Variants in GABRB3 observed in about 807,000 individuals in gnomAD.
GABRB3 encodes the protein gamma-aminobutyric acid receptor subunit beta-3.
In GABRB3, 14 loss-of-function variants were observed where a neutral mutation model predicts 52.1. The ratio of observed to expected loss-of-function variants is 0.27; its 90% CI spans 0.18 to 0.42. The LOEUF (loss-of-function observed/expected upper bound fraction) is 0.42, where lower values mean the gene tolerates loss of function less well. Among genes scored for constraint, GABRB3 ranks in the 10% least tolerant of loss-of-function variants. The pLI, the probability that GABRB3 is intolerant of heterozygous loss-of-function variation, is 1.00. For synonymous variants in GABRB3, 260 were observed against 232.3 expected, an observed-to-expected ratio of 1.12 and a Z score of -1.08; for missense variants, 307 against 609.1, an observed-to-expected ratio of 0.50 and a Z score of 5.22.
At chr15:26,747,015 CAAAT>C (rs144896168) in intron 3 of GABRB3, among the ~76,000 whole-genome samples, 37,303 of 150,760 alleles carry the variant, frequency 0.25, 4,812 homozygotes, top group Non-Finnish European at 0.28. Context: ...AACAAACAAA[CAAAT>C]AATCAGTTGG....
chr15:26,631,447 A>G (rs934327360), intron 3 of GABRB3, among the ~76,000 whole-genome samples: 8 of 152,370 alleles, frequency 5.3e-5, no homozygotes, highest in South Asian at 2.1e-4. Context: ...AAAATTTACC[A>G]TCCCTGAGAA....
At chr15:26,628,112 G>T (rs921088562) in intron 3 of GABRB3, among the ~76,000 whole-genome samples, 1 of 152,182 alleles carries the variant, frequency 6.6e-6, no homozygotes, top group Non-Finnish European at 1.5e-5. Flanking sequence ...TTCAATTAAG[G>T]TATGTATATT....
At chr15:26,585,471 G>C (rs1452829648) in intron 4 of GABRB3, among the ~76,000 whole-genome samples, 1 of 151,468 alleles carries the variant, frequency 6.6e-6, no homozygotes, top group Non-Finnish European at 1.5e-5. Flanking sequence ...ATGGACTTGT[G>C]TCATTTACCC....
At chr15:26,594,487 AT>A (rs1321624344) in intron 4 of GABRB3, among the ~76,000 whole-genome samples, 1 of 152,108 alleles carries the variant, frequency 6.6e-6, no homozygotes, top group African/African-American at 2.4e-5. Context: ...AATGTTTTAA[AT>A]TTATTTATCT....
intron 3 of GABRB3, among the ~76,000 whole-genome samples, chr15:26,697,859 G>A (rs758381959): frequency 6.6e-5 from 10 of 152,098 alleles, no homozygotes; most frequent in Admixed American, 1.3e-4. Flanking sequence ...GTTTCTCCAC[G>A]TTCACTGTTT....
intron 3 of GABRB3, among the ~76,000 whole-genome samples, chr15:26,673,100 C>G (rs1003398885): frequency 6.6e-6 from 1 of 152,138 alleles, no homozygotes; most frequent in African/African-American, 2.4e-5. Flanking sequence ...CTTTCTGGGA[C>G]TAAATTCCAA....
At chr15:26,679,196 T>G (rs971705217) in intron 3 of GABRB3, among the ~76,000 whole-genome samples, 2 of 152,132 alleles carry the variant, frequency 1.3e-5, no homozygotes, top group Admixed American at 1.3e-4. Flanking sequence ...ATGAAAACAT[T>G]AACTCTTTTG....
chr15:26,765,609 C>A (rs1369284470), intron 3 of GABRB3, among the ~76,000 whole-genome samples: 1 of 151,996 alleles, frequency 6.6e-6, no homozygotes, highest in Non-Finnish European at 1.5e-5. Context: ...TATTCCTTTC[C>A]ACAAATATTC....
At chr15:26,757,655 A>G (rs1447257359) in intron 3 of GABRB3, among the ~76,000 whole-genome samples, 3 of 152,240 alleles carry the variant, frequency 2.0e-5, no homozygotes, top group African/African-American at 4.8e-5. Context: ...ACACGGAGCA[A>G]TTGAACTAAA....
At chr15:26,739,109 G>A (rs1381210034) in intron 3 of GABRB3, among the ~76,000 whole-genome samples, 2 of 152,100 alleles carry the variant, frequency 1.3e-5, no homozygotes, top group Admixed American at 6.5e-5. Flanking sequence ...TCACTGCCTG[G>A]TGCTGATGCT....
intron 3 of GABRB3, among the ~76,000 whole-genome samples, chr15:26,694,724 T>C (rs1888683768): frequency 6.6e-6 from 1 of 152,188 alleles, no homozygotes; most frequent in African/African-American, 2.4e-5. Context: ...AGAGTCAGAT[T>C]TAGATACAGC....
intron 3 of GABRB3, among the ~76,000 whole-genome samples, chr15:26,708,479 C>A (rs1447234664): frequency 6.6e-6 from 1 of 152,164 alleles, no homozygotes; most frequent in Non-Finnish European, 1.5e-5. Context: ...GGAATGAGGG[C>A]ATAGGCAAAA....
chr15:26,682,875 C>T (rs1277762355), intron 3 of GABRB3, among the ~76,000 whole-genome samples: 3 of 152,224 alleles, frequency 2.0e-5, no homozygotes, highest in African/African-American at 7.2e-5. Context: ...ACTCGGCAAG[C>T]TGGGGACACA....
chr15:26,696,845 A>G (rs1053241224), intron 3 of GABRB3, among the ~76,000 whole-genome samples: 5 of 152,214 alleles, frequency 3.3e-5, no homozygotes, highest in African/African-American at 9.7e-5. Context: ...AAAAACTCGC[A>G]TATGAAGCAT....
At chr15:26,700,411 T>G (rs34678308) in intron 3 of GABRB3, among the ~76,000 whole-genome samples, 1 of 152,192 alleles carries the variant, frequency 6.6e-6, no homozygotes, top group East Asian at 1.9e-4. Context: ...AGAATTAATA[T>G]CAATTCTATG....
intron 3 of GABRB3, among the ~76,000 whole-genome samples, chr15:26,667,589 C>T (rs1188395074): frequency 1.3e-5 from 2 of 152,140 alleles, no homozygotes; most frequent in African/African-American, 4.8e-5. Flanking sequence ...ATAATATGTT[C>T]TCTTTGGTAT....
intron 3 of GABRB3, among the ~76,000 whole-genome samples, chr15:26,667,246 C>T (rs908319453): frequency 3.3e-5 from 5 of 152,144 alleles, no homozygotes; most frequent in Non-Finnish European, 7.4e-5. Flanking sequence ...TGCCAGAGCC[C>T]GAGGAGTGAA....
chr15:26,718,513 T>C (rs556244831), intron 3 of GABRB3, among the ~76,000 whole-genome samples: 10 of 152,222 alleles, frequency 6.6e-5, no homozygotes, highest in Non-Finnish European at 1.5e-4. Context: ...CCAGCCTTAA[T>C]AGCTTATTTC....
At chr15:26,651,516 T>G (rs1035936690) in intron 3 of GABRB3, among the ~76,000 whole-genome samples, 1 of 152,244 alleles carries the variant, frequency 6.6e-6, no homozygotes, top group African/African-American at 2.4e-5. Flanking sequence ...ATTAGTGGTT[T>G]CTGACTGAGG....
Sources: allele counts gnomAD v4.1 joint callset (sites outside exome capture counted in the v4.1 genomes callset), GRCh38; gene constraint gnomAD v4.1.1; transcripts MANE v1.5; gene names NCBI Gene and HGNC (gene_info 2026-07-23, HGNC 2026-07-21).